NGEF: variants seen among roughly 807,000 people sequenced by gnomAD.
NGEF encodes the protein ephexin-1.
NGEF carries 31 observed loss-of-function variants against 80.9 expected under a neutral mutation model. The ratio of observed to expected loss-of-function variants is 0.38; its 90% confidence interval spans 0.29 to 0.52. NGEF has a LOEUF of 0.52. NGEF is among the 20% of genes least tolerant of loss of function. The pLI, the probability that NGEF is intolerant of heterozygous loss-of-function variation, is 0.84. For missense variants in NGEF, 709 were observed against 926.2 expected, an observed-to-expected ratio of 0.77 and a Z score of 3.04; for synonymous variants, 371 against 370.2, an observed-to-expected ratio of 1.00 and a Z score of -0.03.
intron 14 of NGEF, 51 bp from the exon 15 acceptor site, chr2:232,879,730 C>T (rs1351674521): frequency 7.7e-6 from 12 of 1,554,468 alleles, no homozygotes; most frequent in African/African-American, 1.4e-5. Flanking sequence ...AGGGCACAGG[C>T]TGCACAGAGG....
chr2:232,928,020 T>C (rs1032126384), intron 3 of NGEF: 2 of 960,466 alleles, frequency 2.1e-6, no homozygotes, highest in South Asian at 9.6e-5. Context: ...GCGGGGCGGG[T>C]GCGGGGGCCG....
chr2:232,893,187 C>G, intron 6 of NGEF, 137 bp from the exon 7 acceptor site: 1 of 805,598 alleles, frequency 1.2e-6, no homozygotes, highest in Non-Finnish European at 1.9e-6. Flanking sequence ...CCGACAAGAT[C>G]CATCGGCAGG....
intron 8 of NGEF, among the ~76,000 whole-genome samples, chr2:232,889,806 GCCT>G (rs1691817759): frequency 6.6e-6 from 1 of 152,136 alleles, no homozygotes; most frequent in African/African-American, 2.4e-5. Flanking sequence ...CCTGGGTCAG[GCCT>G]CCTCTCTGTA....
chr2:232,949,086 T>C (rs1195385998), intron 3 of NGEF, among the ~76,000 whole-genome samples: 2 of 152,088 alleles, frequency 1.3e-5, no homozygotes, highest in African/African-American at 4.8e-5. Flanking sequence ...ATGTTCGGCA[T>C]GAAATGTTGA....
intron 5 of NGEF, among the ~76,000 whole-genome samples, chr2:232,899,976 A>G (rs2592108): frequency 0.7 from 61,456 of 87,916 alleles, 22,382 homozygotes; most frequent in Admixed American, 0.75. Flanking sequence ...TCATATACAC[A>G]TTCACTCATT....
In NGEF at chr2:232,946,926, C is replaced by CAAGAAAA. The variant is rs1693571759; in HGVS notation, c.384-19741_384-19740insTTTTCTT. On this transcript the variant is annotated intron_variant, in intron 3 of 14. Coordinates refer to ENST00000264051, the MANE Select transcript of NGEF (RefSeq NM_019850.3). ...ATACTCGAAAACAAAAGAAAACAAA[C>CAAGAAAA]CAAAAAACAAAGGAAGGGTCTTCTT... Among the ~76,000 whole-genome samples the CAAGAAAA allele has an allele frequency of 2.2e-5, 3 of 135,280 alleles. No individual in the cohort carries two copies. In the South Asian group the frequency reaches 7.4e-4, roughly 34 times the overall value. 88.7% of individuals were successfully genotyped at this position (135,280 alleles called of 152,430 possible).
Position 232,941,300 on chromosome 2 carries a change from T to C in NGEF, c.384-14114A>G, listed in dbSNP as rs191413793. On this transcript the variant is annotated intron_variant, in intron 3 of 14. Coordinates refer to ENST00000264051, the MANE Select transcript of NGEF (RefSeq NM_019850.3). ...CAGTTTAGGGAGGGTCAGAATCTTGTAACTTCCAGCTGCACAACTCTAAGC... is the reference window on the plus strand; with the variant it reads ...CAGTTTAGGGAGGGTCAGAATCTTGCAACTTCCAGCTGCACAACTCTAAGC... 1.4e-3 allele frequency among the ~76,000 whole-genome samples: 159 copies of C among 113,980 alleles called. 3 individuals are homozygous for C. 74.8% of individuals were successfully genotyped at this position (113,980 alleles called of 152,430 possible). A position where few individuals can be genotyped will look rare whatever the true frequency, so the allele number is the denominator to read the frequency against.
intron 9 of NGEF, chr2:232,885,643 C>T: frequency 2.2e-6 from 1 of 455,282 alleles, no homozygotes; most frequent in Non-Finnish European, 4.1e-6. Flanking sequence ...ATGCGTGAGG[C>T]ATCCCTCCTC....
chr2:232,970,793 T>TG (rs1694169554), intron 2 of NGEF, among the ~76,000 whole-genome samples: 1 of 89,346 alleles, frequency 1.1e-5, no homozygotes, highest in Admixed American at 9.9e-5. Context: ...CCAGCCTGGG[T>TG]GAAAAAAAAA....
intron 2 of NGEF, among the ~76,000 whole-genome samples, chr2:232,972,302 T>A (rs952124613): frequency 1.3e-5 from 2 of 152,236 alleles, no homozygotes; most frequent in South Asian, 4.1e-4. Flanking sequence ...AACTATTTCA[T>A]CGATATTTTT....
chr2:232,892,979 C>A lies in NGEF; in HGVS notation c.1061G>T (p.Arg354Leu). Residue 354 changes from arginine to leucine, a missense_variant, in exon 7 of 15, where the codon CGT becomes CTT. Arg to Leu is a moderately radical substitution (Grantham distance 102). Transcript: ENST00000264051. The surrounding 1 kb of genome is among the most constrained non-coding windows in gnomAD (Gnocchi z 4.0). ...VISDVCDIVY[R>L]YAADHFSVYI... ...GACAGAGAAGTGGTCGGCCGCATAA[C>A]GGTACACAATGTCACACACGTCAGA... is the stretch of plus-strand genomic sequence containing the variant. 1 of 1,613,604 alleles carries A rather than the reference C, an allele frequency of 6.2e-7. No homozygotes were observed. Among genetic ancestry groups the A allele is most frequent in the South Asian group, 1.1e-5 (1 of 91,086 alleles).
rs1691907024 is a variant in NGEF at position 232,892,245 on chromosome 2, G to A, written c.1142+653C>T. Reference sequence around the variant, plus strand: ...TTGAAACGTGCACCATGAACTCCATGTCTTGGTGGAAAAGCCAGTGAGGCG... The same window carrying A: ...TTGAAACGTGCACCATGAACTCCATATCTTGGTGGAAAAGCCAGTGAGGCG... On this transcript the variant is annotated intron_variant, in intron 7 of 14. Coordinates refer to ENST00000264051, the MANE Select transcript of NGEF (RefSeq NM_019850.3). The surrounding 1 kb of genome is among the most constrained non-coding windows in gnomAD (Gnocchi z 4.0). 6.6e-6 allele frequency among the ~76,000 whole-genome samples: 1 copy of A among 152,028 alleles called. No individual in the cohort carries two copies. The highest frequency in any genetic ancestry group is 1.5e-5 in the Non-Finnish European group (1 of 68,012).
At chr2:232,897,748 ACGC>A in intron 5 of NGEF, among the ~76,000 whole-genome samples, 1 of 152,348 alleles carries the variant, frequency 6.6e-6, no homozygotes, top group East Asian at 1.9e-4. Context: ...CAGAGATGAG[ACGC>A]TGAAATGAGC....
At chr2:233,002,692 T>A (rs1260403250) in intron 1 of NGEF, among the ~76,000 whole-genome samples, 1 of 152,064 alleles carries the variant, frequency 6.6e-6, no homozygotes, top group East Asian at 1.9e-4. Context: ...ATATTGTAAA[T>A]GTAGAAAGCA....
chr2:232,928,192 C>G (rs908588521), intron 3 of NGEF: 272 of 976,114 alleles, frequency 2.8e-4, no homozygotes, highest in Non-Finnish European at 3.1e-4. Context: ...CCGGGGTTGC[C>G]ACGGCAACGA....
chr2:232,919,934 G>T (rs1692899397), intron 5 of NGEF, among the ~76,000 whole-genome samples: 2 of 152,208 alleles, frequency 1.3e-5, no homozygotes, highest in African/African-American at 4.8e-5. Flanking sequence ...TGGAGCTATG[G>T]CATAGTCACA....
At chr2:232,938,892 C>T (rs1371148937) in intron 3 of NGEF, among the ~76,000 whole-genome samples, 2 of 137,828 alleles carry the variant, frequency 1.5e-5, no homozygotes, top group Non-Finnish European at 3.1e-5. Flanking sequence ...AATTAGAACT[C>T]AAACTAGGCC....
intron 3 of NGEF, among the ~76,000 whole-genome samples, chr2:232,956,837 A>G (rs982139996): frequency 4.0e-5 from 6 of 151,638 alleles, no homozygotes; most frequent in Non-Finnish European, 8.8e-5. Flanking sequence ...ACAGTTATAA[A>G]CAGTCAAGTA....
intron 1 of NGEF, among the ~76,000 whole-genome samples, chr2:232,996,531 C>G (rs1694853496): frequency 6.6e-6 from 1 of 152,114 alleles, no homozygotes; most frequent in African/African-American, 2.4e-5. Flanking sequence ...TCCAGGACCC[C>G]CATAGATACT....
Sources: gnomAD v4.1 joint callset for allele counts (sites outside exome capture counted in the v4.1 genomes callset) on GRCh38, gnomAD v4.1.1 for gene constraint, Gnocchi (gnomAD v3.1) non-coding constraint, MANE v1.5 for transcripts, NCBI Gene and HGNC (gene_info 2026-07-23, HGNC 2026-07-21) for gene names.